Variants in RAD51B observed in about 807,000 individuals in gnomAD.
The protein encoded by RAD51B is DNA repair protein RAD51 homolog 2.
Under a neutral mutation model 42.2 loss-of-function variants are expected in RAD51B, and 38 were observed. The observed-to-expected ratio is 0.90, with a 90% CI of 0.70 to 1.18. The LOEUF (loss-of-function observed/expected upper bound fraction) is 1.18, where lower values mean the gene tolerates loss of function less well. Among genes scored for constraint, RAD51B ranks in the 50% most tolerant of loss-of-function variants. The pLI is 0.00. For missense variants in RAD51B, 373 were observed against 400.7 expected, an observed-to-expected ratio of 0.93 and a Z score of 0.59; for synonymous variants, 154 against 145.2, an observed-to-expected ratio of 1.06 and a Z score of -0.43.
At chr14:68,169,747 T>C (rs551357340) in intron 7 of RAD51B, among the ~76,000 whole-genome samples, 18 of 152,208 alleles carry the variant, frequency 1.2e-4, no homozygotes, top group African/African-American at 4.1e-4. Flanking sequence ...TATATTTGAA[T>C]TGATGGATAT....
chr14:68,489,015 G>A lies in RAD51B; in HGVS notation c.1036+20765G>A, dbSNP rs569772930. On this transcript the variant is annotated intron_variant, in intron 10 of 10. Transcript: ENST00000487270. ...GTTGCCCAAGGCGGAGTGCAATGGC[G>A]CAATCTCAGCTCACCACAACCTCCA... Among the ~76,000 whole-genome samples the A allele has an allele frequency of 2.6e-5, 4 of 152,094 alleles. No individual in the cohort carries two copies. In the South Asian group the frequency reaches 6.2e-4, roughly 24 times the overall value.
intron 11 of RAD51B, among the ~76,000 whole-genome samples, chr14:68,655,254 G>C (rs1318770518): frequency 1.3e-5 from 2 of 152,090 alleles, no homozygotes; most frequent in Non-Finnish European, 1.5e-5. Context: ...TTGTTAGCTA[G>C]CCTATCTCTT....
intron 7 of RAD51B, among the ~76,000 whole-genome samples, chr14:68,153,616 G>A (rs553739210): frequency 8.5e-5 from 13 of 152,058 alleles, no homozygotes; most frequent in Non-Finnish European, 1.5e-4. Context: ...TCATATGCTC[G>A]TTGGCCATAT....
chr14:68,122,395 G>A (rs1372271538), intron 7 of RAD51B, among the ~76,000 whole-genome samples: 2 of 152,116 alleles, frequency 1.3e-5, no homozygotes, highest in African/African-American at 2.4e-5. Context: ...AATGACCAGC[G>A]ATGGGTAAAG....
chr14:68,523,203 T>A (rs879674783), intron 10 of RAD51B, among the ~76,000 whole-genome samples: 1 of 151,994 alleles, frequency 6.6e-6, no homozygotes, highest in Admixed American at 6.6e-5. Flanking sequence ...GTGATGAGAG[T>A]AGAAAGCGGA....
At position 68,075,086 on chromosome 14, in the gene RAD51B, C is replaced by G. The variant is rs35005097; in HGVS notation, c.756+187882C>G. On this transcript the variant is annotated intron_variant, in intron 7 of 10. Coordinates refer to ENST00000471583, the MANE Select transcript of RAD51B (RefSeq NM_133510.4). ...GCAGTGGCGATGGCAGAGAGCCTTT[C>G]ACTTGTTTCTTGAGGCTCCACCCCA... is the stretch of plus-strand genomic sequence containing the variant. Among the ~76,000 whole-genome samples, 5 of 152,330 alleles carry G rather than the reference C, an allele frequency of 3.3e-5. No homozygotes were observed. The East Asian group carries it at 9.7e-4, about 29-fold the overall frequency.
intron 7 of RAD51B, among the ~76,000 whole-genome samples, chr14:67,977,095 T>G (rs2075010461): frequency 6.6e-6 from 1 of 152,352 alleles, no homozygotes; most frequent in East Asian, 1.9e-4. Context: ...GAATTCTCGT[T>G]GCATTAACAC....
intron 7 of RAD51B, among the ~76,000 whole-genome samples, chr14:68,005,627 G>A (rs973831994): frequency 6.6e-6 from 1 of 151,984 alleles, no homozygotes; most frequent in Non-Finnish European, 1.5e-5. Context: ...TACTCTAGTG[G>A]GTATATTGAA....
At chr14:68,002,519 C>CAGA (rs2075505079) in intron 7 of RAD51B, among the ~76,000 whole-genome samples, 1 of 152,126 alleles carries the variant, frequency 6.6e-6, no homozygotes, top group Admixed American at 6.5e-5. Context: ...TTTTGCTGTG[C>CAGA]AGAAGCTCTT....
At chr14:67,833,852 T>C (rs2041139863) in intron 3 of RAD51B, among the ~76,000 whole-genome samples, 1 of 152,240 alleles carries the variant, frequency 6.6e-6, no homozygotes, top group African/African-American at 2.4e-5. Context: ...TATTACCTTC[T>C]TCTAGCTACC....
intron 8 of RAD51B, among the ~76,000 whole-genome samples, chr14:68,376,808 G>GT (rs2083379304): frequency 6.6e-6 from 1 of 152,146 alleles, no homozygotes; most frequent in Non-Finnish European, 1.5e-5. Flanking sequence ...GTAAGAACAT[G>GT]TTTTTTTGTA....
intron 7 of RAD51B, among the ~76,000 whole-genome samples, chr14:68,118,343 C>G (rs540220693): frequency 1.3e-5 from 2 of 152,156 alleles, no homozygotes; most frequent in East Asian, 3.9e-4. Flanking sequence ...GCTTCAGGAT[C>G]TAATCCAGCA....
At chr14:68,407,737 G>C (rs1407402612) in intron 8 of RAD51B, among the ~76,000 whole-genome samples, 1 of 152,346 alleles carries the variant, frequency 6.6e-6, no homozygotes. Context: ...TGGCACATAG[G>C]AAGTAGCATT....
At chr14:68,188,678 CTGTTTTGGAAAGGTGGAATGAGTT>C (rs1174667422) in intron 7 of RAD51B, among the ~76,000 whole-genome samples, 1 of 152,162 alleles carries the variant, frequency 6.6e-6, no homozygotes, top group African/African-American at 2.4e-5. Flanking sequence ...TGATGCTCCT[CTGTTTTGGAAAGGTGGAATGAGTT>C]ATCCACCTAG....
chr14:68,132,527 T>C (rs75114362), intron 7 of RAD51B, among the ~76,000 whole-genome samples: 110 of 152,326 alleles, frequency 7.2e-4, no homozygotes, highest in African/African-American at 2.5e-3. Flanking sequence ...TTCTTTTCAT[T>C]GCATGTGGTG....
chr14:67,988,609 A>T (rs2140286370), intron 7 of RAD51B, among the ~76,000 whole-genome samples: 1 of 152,248 alleles, frequency 6.6e-6, no homozygotes, highest in Admixed American at 6.5e-5. Flanking sequence ...TTTCTATTTT[A>T]TATGCTTGTT....
chr14:68,041,089 C>T (rs1031167385), intron 7 of RAD51B, among the ~76,000 whole-genome samples: 1 of 152,136 alleles, frequency 6.6e-6, no homozygotes, highest in African/African-American at 2.4e-5. Flanking sequence ...TTTTGCTGTT[C>T]TTGTGATAGT....
At chr14:68,199,736 T>C (rs1057193891) in intron 7 of RAD51B, among the ~76,000 whole-genome samples, 9 of 152,154 alleles carry the variant, frequency 5.9e-5, no homozygotes, top group Admixed American at 5.2e-4. Context: ...AGGGCCTGGG[T>C]CTCATCTTCC....
chr14:68,104,867 C>G (rs17104917), intron 7 of RAD51B, among the ~76,000 whole-genome samples: 12,636 of 152,118 alleles, frequency 0.083, 1,551 homozygotes, highest in African/African-American at 0.27. Flanking sequence ...AATTCTTAAG[C>G]ACTCAACTGA....
Sources: gnomAD v4.1 joint callset for allele counts (sites outside exome capture counted in the v4.1 genomes callset) on GRCh38, gnomAD v4.1.1 for gene constraint, MANE v1.5 for transcripts, NCBI Gene and HGNC (gene_info 2026-07-23, HGNC 2026-07-21) for gene names.